NCAM2: variants seen among roughly 807,000 people sequenced by gnomAD.
NCAM2 encodes the protein neural cell adhesion molecule 2, also known as N-CAM-2.
In NCAM2, 30 loss-of-function variants were observed where a neutral mutation model predicts 98.1. The observed-to-expected ratio is 0.31, with a 90% CI of 0.23 to 0.41. The LOEUF (loss-of-function observed/expected upper bound fraction) is 0.41, where lower values mean the gene tolerates loss of function less well. Ranked by LOEUF, NCAM2 falls within the 10% of genes least tolerant of loss-of-function variation. The pLI is 1.00. For synonymous variants in NCAM2, 368 were observed against 342.4 expected (o/e 1.07, Z -0.83); for missense variants, 867 against 1,005.8 (o/e 0.86, Z 1.87).
intron 1 of NCAM2, among the ~76,000 whole-genome samples, chr21:21,054,343 C>T (rs1178967281): frequency 6.6e-6 from 1 of 151,962 alleles, no homozygotes; most frequent in Non-Finnish European, 1.5e-5. Flanking sequence ...TGTGTTTGAA[C>T]TCATTTACTT....
At position 21,469,967 on chromosome 21, in the gene NCAM2, G is replaced by T. The variant is rs562457165; in HGVS notation, c.1896+1184G>T. Among the ~76,000 whole-genome samples the T allele has an allele frequency of 5.9e-5, 9 of 152,076 alleles. No individual in the cohort carries two copies. The South Asian group carries it at 1.9e-3, about 32-fold the overall frequency. ...TTCATGAATTGGACTGTTAGAACAG[G>T]CTTTCCATGCAGATTGTTGCTCACA... On this transcript the variant is annotated intron_variant, in intron 14 of 17. Transcript: ENST00000400546.
chr21:21,254,926 A>G (rs987521377), intron 1 of NCAM2, among the ~76,000 whole-genome samples: 31 of 127,694 alleles, frequency 2.4e-4, no homozygotes, highest in African/African-American at 7.0e-4. Flanking sequence ...GTGTGTGTGT[A>G]TGTGTACCCA....
intron 1 of NCAM2, among the ~76,000 whole-genome samples, chr21:21,238,893 G>A (rs1244003534): frequency 6.6e-6 from 1 of 152,060 alleles, no homozygotes. Context: ...CAATCACATG[G>A]CGTAATCTTC....
chr21:21,468,694 C>G lies in NCAM2; in HGVS notation c.1807C>G (p.Pro603Ala). 6.2e-7 allele frequency: 1 copy of G among 1,611,748 alleles called. No homozygotes were observed. The highest frequency in any genetic ancestry group is 1.7e-4 in the Middle Eastern group (1 of 6,052). The change falls in exon 14 of 18, where the codon CCA (proline) becomes GCA (alanine). Residue 603 changes from proline (P) to alanine (A), a missense_variant. By Grantham distance (27) the Pro-to-Ala change is conservative (BLOSUM62 -1). Around this residue, in one of 5 missense-constraint regions of NCAM2, gnomAD observed 234 missense variants for 333.8 expected, o/e 0.70. Coordinates refer to ENST00000400546, the MANE Select transcript of NCAM2 (RefSeq NM_004540.5). ...AAGTCCTCCATCCATACATGGACAGCCAAGCAGTGGAAAGAGCTTTAAACT... is the reference window on the plus strand; with the variant it reads ...AAGTCCTCCATCCATACATGGACAGGCAAGCAGTGGAAAGAGCTTTAAACT... ...EPSPPSIHGQPSSGKSFKLSI... is the reference protein window; with the variant it reads ...EPSPPSIHGQASSGKSFKLSI...
chr21:21,352,538 A>G (rs1490136820), intron 8 of NCAM2, among the ~76,000 whole-genome samples: 1 of 151,990 alleles, frequency 6.6e-6, no homozygotes, highest in African/African-American at 2.4e-5. Flanking sequence ...GTGTCACACA[A>G]TTAAAGCTTA....
chr21:21,146,193 A>G (rs1601492373), intron 1 of NCAM2, among the ~76,000 whole-genome samples: 1 of 152,280 alleles, frequency 6.6e-6, no homozygotes, highest in South Asian at 2.1e-4. Flanking sequence ...ACTGAGTAAA[A>G]TATTTTAAAA....
chr21:21,014,423 CAAA>C (rs71193391), intron 1 of NCAM2, among the ~76,000 whole-genome samples: 5 of 100,772 alleles, frequency 5.0e-5, no homozygotes, highest in Non-Finnish European at 2.1e-5. Context: ...GACTCCATCT[CAAA>C]AAAAAAAAAA....
intron 1 of NCAM2, among the ~76,000 whole-genome samples, chr21:21,171,086 A>T (rs1271761363): frequency 6.6e-6 from 1 of 152,202 alleles, no homozygotes; most frequent in African/African-American, 2.4e-5. Flanking sequence ...TTATAATGTG[A>T]TACTTTCAGC....
At chr21:21,185,771 A>G (rs748074660) in intron 1 of NCAM2, among the ~76,000 whole-genome samples, 1 of 152,202 alleles carries the variant, frequency 6.6e-6, no homozygotes, top group South Asian at 2.1e-4. Context: ...ATGTTCACAC[A>G]TAAATTTACT....
chr21:21,139,279 C>T (rs751179811), intron 1 of NCAM2, among the ~76,000 whole-genome samples: 1 of 152,212 alleles, frequency 6.6e-6, no homozygotes, highest in Non-Finnish European at 1.5e-5. Context: ...AACAGATTCA[C>T]CCCTAAAGCT....
intron 1 of NCAM2, among the ~76,000 whole-genome samples, chr21:21,266,045 G>T (rs1295542102): frequency 6.6e-6 from 1 of 152,058 alleles, no homozygotes; most frequent in African/African-American, 2.4e-5. Context: ...CAGTGATACG[G>T]TAATAGTCAC....
intron 1 of NCAM2, among the ~76,000 whole-genome samples, chr21:21,099,311 A>G (rs926122700): frequency 5.9e-5 from 9 of 151,924 alleles, no homozygotes; most frequent in African/African-American, 2.2e-4. Context: ...AAAGGTACAA[A>G]TAAATGAGAT....
chr21:21,419,693 T>C (rs1316381806), intron 11 of NCAM2, among the ~76,000 whole-genome samples: 1 of 151,942 alleles, frequency 6.6e-6, no homozygotes, highest in Non-Finnish European at 1.5e-5. Flanking sequence ...CATGAACTCT[T>C]CATTTTTTAT....
chr21:21,071,158 A>G (rs6518064), intron 1 of NCAM2, among the ~76,000 whole-genome samples: 150,171 of 152,274 alleles, frequency 0.99, 74,086 homozygotes, highest in Middle Eastern at 1. Flanking sequence ...ACTAATTCCT[A>G]TGAGTAAATG....
At chr21:21,496,277 C>T (rs915040803) in intron 15 of NCAM2, among the ~76,000 whole-genome samples, 7 of 151,866 alleles carry the variant, frequency 4.6e-5, no homozygotes, top group Admixed American at 4.6e-4. Flanking sequence ...TCACCGGCAT[C>T]TGTTGTTTTT....
intron 15 of NCAM2, among the ~76,000 whole-genome samples, chr21:21,483,456 G>T (rs1986072374): frequency 6.6e-6 from 1 of 151,746 alleles, no homozygotes; most frequent in Non-Finnish European, 1.5e-5. Context: ...TACTTCCAAT[G>T]AACTATACAG....
At chr21:21,033,946 T>C (rs2064744327) in intron 1 of NCAM2, among the ~76,000 whole-genome samples, 1 of 152,038 alleles carries the variant, frequency 6.6e-6, no homozygotes, top group Admixed American at 6.6e-5. Context: ...TTGTTTTCTT[T>C]AGTCCCCCAT....
intron 9 of NCAM2, among the ~76,000 whole-genome samples, chr21:21,391,572 A>C (rs923317717): frequency 6.6e-6 from 1 of 152,182 alleles, no homozygotes; most frequent in Non-Finnish European, 1.5e-5. Context: ...TAAAACATAC[A>C]TGACTAATTC....
intron 16 of NCAM2, among the ~76,000 whole-genome samples, chr21:21,513,720 T>G (rs1407620504): frequency 1.3e-5 from 2 of 152,110 alleles, no homozygotes; most frequent in Non-Finnish European, 2.9e-5. Flanking sequence ...ATTTGGTCTA[T>G]AGCATATTTT....
Sources: allele counts gnomAD v4.1 joint callset (sites outside exome capture counted in the v4.1 genomes callset), GRCh38; gene constraint gnomAD v4.1.1; regional missense constraint gnomAD v4.1.1; transcripts MANE v1.5; gene names NCBI Gene and HGNC (gene_info 2026-07-23, HGNC 2026-07-21).